PPP1R21: variants seen among roughly 807,000 people sequenced by gnomAD.
The protein encoded by PPP1R21 is KLRAQ motif containing 1.
Under a neutral mutation model 112.8 loss-of-function variants are expected in PPP1R21, and 85 were observed. The observed-to-expected ratio is 0.75, with a 90% CI of 0.63 to 0.90. The LOEUF is 0.90. Among genes scored for constraint, PPP1R21 ranks in the 40% least tolerant of loss-of-function variants. The probability of loss-of-function intolerance (pLI) is 0.00; values close to 1 mark genes in which losing one functional copy is unlikely to be tolerated. For missense variants in PPP1R21, 1,199 were observed against 901.5 expected (o/e 1.33, Z -4.23); for synonymous variants, 381 against 322.3 (o/e 1.18, Z -1.95).
intron 19 of PPP1R21, among the ~76,000 whole-genome samples, chr2:48,507,915 G>A (rs1323531836): frequency 1.3e-5 from 2 of 151,098 alleles, no homozygotes; most frequent in African/African-American, 2.4e-5. Flanking sequence ...ACAGGCACCC[G>A]CCATCATGCC....
intron 9 of PPP1R21, among the ~76,000 whole-genome samples, chr2:48,466,512 C>G (rs1558450562): frequency 1.3e-5 from 2 of 152,084 alleles, no homozygotes; most frequent in Admixed American, 1.3e-4. Flanking sequence ...CAGGTGTAAG[C>G]CACTGTGCCT....
chr2:48,440,785 C>G lies in PPP1R21; in HGVS notation c.-169C>G, dbSNP rs566919134. On this transcript the variant is annotated 5_prime_UTR_variant, in exon 1 of 22. Transcript: ENST00000294952. ...GGCCCCACTCCACCTTCCTCCCACC[C>G]CGGGAACCCGGAAGTGGAGGAGGAG... The G allele has an allele frequency of 2.3e-3, 1,455 of 621,464 alleles. 11 individuals carry two copies. The highest frequency in any genetic ancestry group is 2.9e-3 in the Admixed American group (97 of 33,600). The allele number at this position is 621,464 out of a possible 1,614,324, so 38.5% of individuals were successfully genotyped here.
Position 48,492,548 on chromosome 2 carries a change from A to G in PPP1R21, c.1599+1378A>G, listed in dbSNP as rs539297620. On this transcript the variant is annotated intron_variant, in intron 15 of 21. Transcript: ENST00000294952. ...ATTGGTAGGCATTTAGGTTAATTCT[A>G]CTTTTTTACTGTTACAATAATACTG... Among the ~76,000 whole-genome samples the G allele has an allele frequency of 2.6e-5, 4 of 152,344 alleles. 1 individual carries two copies. Among genetic ancestry groups the G allele is most frequent in the African/African-American group, 7.2e-5 (3 of 41,586 alleles).
At chr2:48,484,740 T>C (rs1572871456) in intron 13 of PPP1R21, among the ~76,000 whole-genome samples, 1 of 152,214 alleles carries the variant, frequency 6.6e-6, no homozygotes, top group East Asian at 1.9e-4. Flanking sequence ...GGTCTTGAAC[T>C]CCTGGCCTCC....
chr2:48,513,684 A>G (rs1364304190), intron 21 of PPP1R21, among the ~76,000 whole-genome samples: 1 of 152,130 alleles, frequency 6.6e-6, no homozygotes, highest in African/African-American at 2.4e-5. Context: ...TATGGCTGAC[A>G]TTGTCTGCAT....
In PPP1R21 at chr2:48,486,710, T is replaced by C. The variant is rs2103921044; in HGVS notation, c.1398T>C (p.Asn466=). 4 of 1,614,022 alleles carry C rather than the reference T, an allele frequency of 2.5e-6. No individual in the cohort carries two copies. Among genetic ancestry groups the C allele is most frequent in the Non-Finnish European group, 3.4e-6 (4 of 1,179,930 alleles). Reference sequence around the variant, plus strand: ...CAACACAGAAGCTGATAACAACTAATGACTGTATCCTGTCATCAGTAGTGG... The same window carrying C: ...CAACACAGAAGCTGATAACAACTAACGACTGTATCCTGTCATCAGTAGTGG... ...PTATQKLITT[N]DCILSSVVAL... Residue 466 remains asparagine, a synonymous_variant, in exon 14 of 22, where the codon AAT becomes AAC. Coordinates refer to ENST00000294952, the MANE Select transcript of PPP1R21 (RefSeq NM_001135629.3).
chr2:48,455,200 G>A (rs771096997), intron 3 of PPP1R21, among the ~76,000 whole-genome samples: 1 of 135,278 alleles, frequency 7.4e-6, no homozygotes, highest in Non-Finnish European at 1.5e-5. Flanking sequence ...AGGCTAGAGT[G>A]CAATGGCACG....
intron 3 of PPP1R21, among the ~76,000 whole-genome samples, chr2:48,455,148 T>G (rs1251744649): frequency 6.9e-6 from 1 of 144,244 alleles, no homozygotes; most frequent in African/African-American, 2.6e-5. Context: ...CTGAATTTTT[T>G]TTTTTTTTTT....
At chr2:48,476,843 G>A (rs924740974) in intron 12 of PPP1R21, among the ~76,000 whole-genome samples, 4 of 152,044 alleles carry the variant, frequency 2.6e-5, no homozygotes, top group Admixed American at 6.6e-5. Flanking sequence ...ATACATACAA[G>A]TCACTTATTG....
At position 48,491,049 on chromosome 2, in the gene PPP1R21, A is replaced by G; in HGVS notation, c.1478A>G (p.Tyr493Cys). Residue 493 changes from tyrosine (Y) to cysteine (C), a missense_variant, in exon 15 of 22, where the codon TAC (tyrosine) becomes TGC (cysteine). By Grantham distance (194) the Tyr-to-Cys change is radical. Coordinates refer to ENST00000294952, the MANE Select transcript of PPP1R21 (RefSeq NM_001135629.3). ...TCCTTCTTCAGCAACAATTTGGACTACTTCATTGCTTCACTGAGCTATGGA... is the reference window on the plus strand; with the variant it reads ...TCCTTCTTCAGCAACAATTTGGACTGCTTCATTGCTTCACTGAGCTATGGA... ...IASFFSNNLD[Y>C]FIASLSYGPK... 1.2e-6 allele frequency: 2 copies of G among 1,613,966 alleles called. No homozygotes were observed. Among genetic ancestry groups the G allele is most frequent in the East Asian group, 4.5e-5 (2 of 44,892 alleles).
intron 1 of PPP1R21, among the ~76,000 whole-genome samples, chr2:48,444,290 G>T (rs1332916602): frequency 6.6e-6 from 1 of 152,232 alleles, no homozygotes; most frequent in Non-Finnish European, 1.5e-5. Flanking sequence ...GAGAATGAAT[G>T]TGTGTAGAGG....
chr2:48,511,393 T>A lies in PPP1R21; in HGVS notation c.2238T>A (p.Ser746Arg). 1 of 1,614,000 alleles carries A rather than the reference T, an allele frequency of 6.2e-7. No homozygotes were observed. The highest frequency in any genetic ancestry group is 8.5e-7 in the Non-Finnish European group (1 of 1,179,958). The change falls in exon 21 of 22, where the codon AGT becomes AGA. Residue 746 changes from serine (S) to arginine (R), a missense_variant. By Grantham distance (110) the Ser-to-Arg change is moderately radical (BLOSUM62 -1). Transcript: ENST00000294952. ...ACGAGGATCAGTTAAGTATGATGAGTGACCACCTGTGCAGCATGAATGAGA... is the reference window on the plus strand; with the variant it reads ...ACGAGGATCAGTTAAGTATGATGAGAGACCACCTGTGCAGCATGAATGAGA... ...RSYEDQLSMM[S>R]DHLCSMNETL...
At chr2:48,489,877 C>G (rs547560333) in intron 14 of PPP1R21, among the ~76,000 whole-genome samples, 1 of 152,104 alleles carries the variant, frequency 6.6e-6, no homozygotes, top group Non-Finnish European at 1.5e-5. Flanking sequence ...AACCCCGTCT[C>G]TACTAAAAGT....
chr2:48,455,363 G>A (rs1205829151), intron 3 of PPP1R21, among the ~76,000 whole-genome samples: 2 of 151,538 alleles, frequency 1.3e-5, no homozygotes, highest in Non-Finnish European at 2.9e-5. Context: ...GGCTGGTCTC[G>A]AACTCCAGAC....
At chr2:48,441,032 T>C in intron 1 of PPP1R21, 22 bp downstream of exon 1, 2 of 1,570,732 alleles carry the variant, frequency 1.3e-6, no homozygotes, top group Non-Finnish European at 1.8e-6. Context: ...GGTCTGGGAG[T>C]AGGGGGTCCC....
chr2:48,442,439 A>G (rs1303356175), intron 1 of PPP1R21, among the ~76,000 whole-genome samples: 1 of 152,202 alleles, frequency 6.6e-6, no homozygotes. Context: ...CATTGCTGAA[A>G]TAACTGTATA....
rs748496001 is a variant in PPP1R21, at chr2:48,474,734, G to T, written c.1140G>T (p.Arg380Ser). Residue 380 changes from arginine (R) to serine (S), a missense_variant, in exon 12 of 22, where the codon AGG (arginine) becomes AGT (serine). Physicochemically the swap from Arg to Ser is moderately radical, Grantham distance 110. Coordinates refer to ENST00000294952, the MANE Select transcript of PPP1R21 (RefSeq NM_001135629.3). The stretch of plus-strand genomic sequence containing the variant: ...TTTGCACATCTGCGTTAAGAGCCAG[G>T]AATCTAGAGCTGTCCCAGGACATGA... ...SSLCTSALRA[R>S]NLELSQDMKK... 8 of 1,613,058 alleles carry T rather than the reference G, an allele frequency of 5.0e-6. No homozygotes were observed. In the East Asian group the frequency reaches 1.6e-4, roughly 31 times the overall value.
At chr2:48,465,694 ATT>A (rs771491168) in intron 9 of PPP1R21, 52 bp downstream of exon 9, 1 of 1,548,744 alleles carries the variant, frequency 6.5e-7, no homozygotes, top group Non-Finnish European at 8.8e-7. Flanking sequence ...ATAGGGAGAT[ATT>A]GTTTGTTTTT....
chr2:48,498,410 T>C (rs1020626073), intron 16 of PPP1R21, 83 bp from the exon 17 acceptor site: 21 of 1,453,000 alleles, frequency 1.4e-5, no homozygotes, highest in Non-Finnish European at 1.9e-5. Flanking sequence ...GTAGTTTTGG[T>C]TTACATTCTG....
Sources: gnomAD v4.1 joint callset for allele counts (sites outside exome capture counted in the v4.1 genomes callset) on GRCh38, gnomAD v4.1.1 for gene constraint, MANE v1.5 for transcripts, NCBI Gene and HGNC (gene_info 2026-07-23, HGNC 2026-07-21) for gene names.